CACNB2: variants seen among roughly 807,000 people sequenced by gnomAD.
CACNB2 encodes voltage-dependent L-type calcium channel subunit beta-2.
In CACNB2, 42 loss-of-function variants were observed where a neutral mutation model predicts 73.3. The ratio of observed to expected loss-of-function variants is 0.57; its 90% CI spans 0.45 to 0.74. CACNB2 has a LOEUF of 0.74. CACNB2 is among the 30% of genes least tolerant of loss of function. The pLI is 0.00. For missense variants in CACNB2, 940 were observed against 853.0 expected, an observed-to-expected ratio of 1.10 and a Z score of -1.27; for synonymous variants, 348 against 310.3, an observed-to-expected ratio of 1.12 and a Z score of -1.28.
At chr10:18,220,230 T>TGGGGGGGGGG (rs1564353886) in intron 2 of CACNB2, among the ~76,000 whole-genome samples, 1 of 34,444 alleles carries the variant, frequency 2.9e-5, no homozygotes, top group Non-Finnish European at 4.4e-5. Context: ...TATATATATA[T>TGGGGGGGGGG]ATAGAGAGAG....
At chr10:18,345,943 G>A (rs529108744) in intron 2 of CACNB2, among the ~76,000 whole-genome samples, 9 of 152,334 alleles carry the variant, frequency 5.9e-5, no homozygotes, top group Non-Finnish European at 1.2e-4. Context: ...TATGAAAAGT[G>A]CATTCTGTCT....
At chr10:18,505,600 C>T (rs1159744805) in intron 5 of CACNB2, among the ~76,000 whole-genome samples, 1 of 152,148 alleles carries the variant, frequency 6.6e-6, no homozygotes, top group Non-Finnish European at 1.5e-5. Flanking sequence ...CAACTAGACC[C>T]TGGCTCGGCC....
intron 2 of CACNB2, chr10:18,238,403 A>G (rs1358800015): frequency 6.6e-6 from 1 of 151,984 alleles, no homozygotes; most frequent in African/African-American, 2.4e-5. Flanking sequence ...CCTTGGTTCC[A>G]TTTTCCAATT....
intron 2 of CACNB2, among the ~76,000 whole-genome samples, chr10:18,205,573 A>G (rs1239740268): frequency 1.3e-5 from 2 of 152,178 alleles, no homozygotes; most frequent in Non-Finnish European, 2.9e-5. Context: ...TGTTTAATGT[A>G]CCAGTCATTT....
At chr10:18,245,309 G>T (rs2036818283) in intron 2 of CACNB2, among the ~76,000 whole-genome samples, 1 of 152,014 alleles carries the variant, frequency 6.6e-6, no homozygotes. Flanking sequence ...CAGCACTGTT[G>T]CCTGTGTTCA....
chr10:18,374,924 C>G (rs1292118444), intron 2 of CACNB2, among the ~76,000 whole-genome samples: 3 of 152,168 alleles, frequency 2.0e-5, no homozygotes, highest in African/African-American at 7.2e-5. Context: ...AGACTACCCC[C>G]TAAAGACAGG....
rs576639424 is a variant in CACNB2, at chr10:18,374,550, A to G, written c.214-27374A>G. Among the ~76,000 whole-genome samples the G allele has an allele frequency of 3.3e-5, 5 of 152,318 alleles. 1 individual carries two copies. The South Asian group carries it at 1.0e-3, about 32-fold the overall frequency. Reference sequence around the variant, plus strand: ...TAAGACCAGACTGGGCAGTATAGTGAGACCCTGTCTTTATTTTTTAAAAAA... The same window carrying G: ...TAAGACCAGACTGGGCAGTATAGTGGGACCCTGTCTTTATTTTTTAAAAAA... On this transcript the variant is annotated intron_variant, in intron 2 of 13. Transcript: ENST00000324631.
In CACNB2 at chr10:18,150,979, A is replaced by G; in HGVS notation, c.213+4A>G. 1 of 1,564,508 alleles carries G rather than the reference A, an allele frequency of 6.4e-7. No homozygotes were observed. The highest frequency in any genetic ancestry group is 1.1e-5 in the South Asian group (1 of 89,892). ...CTCAAATAGTTTTGTTCGCCAGGTAAGAGTTTTAAGTTCATGGTTTTGATA... is the reference window on the plus strand; with the variant it reads ...CTCAAATAGTTTTGTTCGCCAGGTAGGAGTTTTAAGTTCATGGTTTTGATA... On this transcript the variant is annotated splice_donor_region_variant and intron_variant, in intron 2 of 13. Transcript: ENST00000324631.
chr10:18,344,835 C>G (rs1246753017), intron 2 of CACNB2, among the ~76,000 whole-genome samples: 2 of 152,060 alleles, frequency 1.3e-5, no homozygotes, highest in South Asian at 2.1e-4. Flanking sequence ...TAGGAATACC[C>G]CACAAGCTCA....
At chr10:18,530,462 AAGG>A (rs1390372799) in intron 10 of CACNB2, among the ~76,000 whole-genome samples, 1 of 151,756 alleles carries the variant, frequency 6.6e-6, no homozygotes, top group African/African-American at 2.4e-5. Flanking sequence ...AGAGTGAGCC[AAGG>A]AGGAGGCTGT....
At chr10:18,490,308 C>T (rs1034341550) in intron 3 of CACNB2, among the ~76,000 whole-genome samples, 4 of 152,088 alleles carry the variant, frequency 2.6e-5, no homozygotes, top group Admixed American at 2.0e-4. Context: ...ATTCTTTATC[C>T]CAAAAAGGGG....
At chr10:18,473,260 C>G (rs1309068793) in intron 3 of CACNB2, among the ~76,000 whole-genome samples, 2 of 152,158 alleles carry the variant, frequency 1.3e-5, no homozygotes, top group Non-Finnish European at 2.9e-5. Flanking sequence ...TATGACCCAT[C>G]TGCAGTGGAA....
At chr10:18,417,417 G>A (rs1391313061) in intron 3 of CACNB2, among the ~76,000 whole-genome samples, 1 of 129,338 alleles carries the variant, frequency 7.7e-6, no homozygotes. Context: ...TGCTCAGGCT[G>A]GAATGCAGTG....
chr10:18,341,917 C>A (rs556077572), intron 2 of CACNB2, among the ~76,000 whole-genome samples: 3 of 152,206 alleles, frequency 2.0e-5, no homozygotes, highest in Non-Finnish European at 4.4e-5. Flanking sequence ...TCTAAAGATA[C>A]AGAATTTTAC....
intron 3 of CACNB2, among the ~76,000 whole-genome samples, chr10:18,473,202 G>A (rs1174909146): frequency 2.0e-5 from 3 of 152,084 alleles, no homozygotes; most frequent in Non-Finnish European, 4.4e-5. Context: ...GTGGGGCCCC[G>A]CTCGCCTGTT....
In CACNB2 at chr10:18,498,408, T is replaced by A. The variant is rs1564620179; in HGVS notation, c.387T>A (p.His129Gln). The A allele has an allele frequency of 6.2e-7, 1 of 1,614,176 alleles. No individual in the cohort carries two copies. ...CAAATGTCAGCTACAGTGCGGCCCA[T>A]GAAGATGATGTTCCAGTGCCTGGCA... ...VRTNVSYSAA[H>Q]EDDVPVPGMA... is the part of the protein sequence containing the mutation. The change falls in exon 4 of 14, where the codon CAT becomes CAA. Residue 129 changes from histidine to glutamine, a missense_variant. Transcript: ENST00000324631.
chr10:18,485,785 G>C (rs2049026351), intron 3 of CACNB2, among the ~76,000 whole-genome samples: 1 of 151,762 alleles, frequency 6.6e-6, no homozygotes, highest in Non-Finnish European at 1.5e-5. Context: ...TTTTCACCAT[G>C]TTGGCCAGGC....
chr10:18,462,249 G>T (rs950555492), intron 3 of CACNB2, among the ~76,000 whole-genome samples: 1 of 152,092 alleles, frequency 6.6e-6, no homozygotes, highest in African/African-American at 2.4e-5. Context: ...AAATAGGAGC[G>T]CTGGTTGGTT....
At chr10:18,491,819 T>TAAAA (rs68179779) in intron 3 of CACNB2, among the ~76,000 whole-genome samples, 3,173 of 65,206 alleles carry the variant, frequency 0.049, 709 homozygotes, top group East Asian at 0.065. Context: ...TCAAGTTGGT[T>TAAAA]AAAAAAAAAA....
Sources: gnomAD v4.1 joint callset for allele counts (sites outside exome capture counted in the v4.1 genomes callset) on GRCh38, gnomAD v4.1.1 for gene constraint, MANE v1.5 for transcripts, NCBI Gene and HGNC (gene_info 2026-07-23, HGNC 2026-07-21) for gene names.